KIF5C: variants seen among roughly 807,000 people sequenced by gnomAD.
KIF5C encodes kinesin family member 5C.
In KIF5C, 18 loss-of-function variants were observed where a neutral mutation model predicts 125.2. The ratio of observed to expected loss-of-function variants is 0.14; its 90% CI spans 0.10 to 0.21. KIF5C has a LOEUF of 0.21. Among genes scored for constraint, KIF5C ranks in the 10% least tolerant of loss-of-function variants. KIF5C has a pLI of 1.00. For synonymous variants in KIF5C, 405 were observed against 434.0 expected (o/e 0.93, Z 0.83); for missense variants, 780 against 1,183.8 (o/e 0.66, Z 5.01).
At chr2:148,939,094 T>TAAAA (rs66739683) in intron 4 of KIF5C, among the ~76,000 whole-genome samples, 2 of 131,728 alleles carry the variant, frequency 1.5e-5, no homozygotes, top group Non-Finnish European at 3.3e-5. Context: ...GATTCTGTCT[T>TAAAA]AAAAAAAAAA....
intron 16 of KIF5C, among the ~76,000 whole-genome samples, chr2:148,992,363 A>G (rs1005205201): frequency 1.3e-5 from 2 of 152,222 alleles, no homozygotes; most frequent in Admixed American, 1.3e-4. Context: ...ATGTAAGTAT[A>G]ATTTAGTCCA....
chr2:148,957,423 T>C (rs1200730469), intron 10 of KIF5C, among the ~76,000 whole-genome samples: 1 of 152,124 alleles, frequency 6.6e-6, no homozygotes, highest in African/African-American at 2.4e-5. Context: ...ATCATTAGGC[T>C]CCTTCATTCT....
chr2:148,976,284 T>TA (rs1558927683), intron 12 of KIF5C, among the ~76,000 whole-genome samples: 37 of 148,836 alleles, frequency 2.5e-4, no homozygotes, highest in South Asian at 2.1e-3. Flanking sequence ...TTTATTTATT[T>TA]TTTGAGATGG....
intron 2 of KIF5C, among the ~76,000 whole-genome samples, chr2:148,925,838 G>T (rs1048902895): frequency 6.6e-6 from 1 of 152,212 alleles, no homozygotes; most frequent in Non-Finnish European, 1.5e-5. Flanking sequence ...CTGGTGGCCT[G>T]CCAGTGATGA....
At position 148,932,277 on chromosome 2, in the gene KIF5C, A is replaced by C. The variant is rs182409532; in HGVS notation, c.291+2923A>C. Among the ~76,000 whole-genome samples the C allele has an allele frequency of 5.3e-3, 805 of 152,326 alleles. 13 individuals carry two copies. Among genetic ancestry groups the C allele is most frequent in the Non-Finnish European group, 5.7e-3 (385 of 68,024 alleles). ...CCTGAGTGTCCCTGAGTGGAAAGAG[A>C]GGTCACATTTTAAAGATGTTTTTCA... On this transcript the variant is annotated intron_variant, in intron 3 of 25. Coordinates refer to ENST00000435030, the MANE Select transcript of KIF5C (RefSeq NM_004522.3).
chr2:148,984,260 G>T (rs1681316375), intron 15 of KIF5C, among the ~76,000 whole-genome samples: 1 of 152,138 alleles, frequency 6.6e-6, no homozygotes, highest in Admixed American at 6.5e-5. Flanking sequence ...TGCCACTCAG[G>T]GTGTGATCTG....
chr2:148,942,610 C>T, intron 6 of KIF5C, 63 bp from the exon 7 acceptor site: 1 of 1,551,700 alleles, frequency 6.4e-7, no homozygotes, highest in Non-Finnish European at 8.7e-7. Flanking sequence ...AATGTTTCAG[C>T]CTTTCAAAAT....
At chr2:148,957,460 A>C (rs142546547) in intron 10 of KIF5C, among the ~76,000 whole-genome samples, 1 of 152,256 alleles carries the variant, frequency 6.6e-6, no homozygotes, top group East Asian at 1.9e-4. Context: ...TGATGGTAAA[A>C]AGAAAAAGAA....
intron 17 of KIF5C, among the ~76,000 whole-genome samples, 173 bp downstream of exon 17, chr2:148,994,711 T>C (rs749311413): frequency 1.5e-4 from 23 of 151,880 alleles, no homozygotes; most frequent in Non-Finnish European, 2.9e-4. Context: ...TTCTTTCTTT[T>C]TTTTTTTTTA....
At chr2:148,917,144 T>A (rs896024128) in intron 1 of KIF5C, among the ~76,000 whole-genome samples, 5 of 152,206 alleles carry the variant, frequency 3.3e-5, no homozygotes, top group Admixed American at 3.3e-4. Flanking sequence ...TTTAATTTTT[T>A]ATTTTTTTCC....
rs915897190 is a variant in KIF5C, at chr2:148,981,351, C to T, written c.1363-4C>T. The T allele has an allele frequency of 6.2e-7, 1 of 1,604,736 alleles. No individual in the cohort carries two copies. Among genetic ancestry groups the T allele is most frequent in the African/African-American group, 1.3e-5 (1 of 74,558 alleles). Reference sequence around the variant, plus strand: ...ACAAGTTCCATGCCATCTCATTTCCCCAGCTTTTAGCTTCCACAAGAAGAG... The same window carrying T: ...ACAAGTTCCATGCCATCTCATTTCCTCAGCTTTTAGCTTCCACAAGAAGAG... On this transcript the variant is annotated splice_region_variant and splice_polypyrimidine_tract_variant and intron_variant, in intron 13 of 25. Coordinates refer to ENST00000435030, the MANE Select transcript of KIF5C (RefSeq NM_004522.3).
rs564593202 is a variant in KIF5C, at chr2:149,003,036, C to T, written c.2373+2254C>T. Among the ~76,000 whole-genome samples, 67 of 152,246 alleles carry T rather than the reference C, an allele frequency of 4.4e-4. No homozygotes were observed. In the South Asian group the frequency reaches 7.5e-3, roughly 17 times the overall value. ...CTCACCCTCGCCCAGCCCATGCACG[C>T]GGACAGACACACTGGCTTCGTGGCA... is the stretch of plus-strand genomic sequence containing the variant. On this transcript the variant is annotated intron_variant, in intron 21 of 25. Transcript: ENST00000435030.
intron 23 of KIF5C, among the ~76,000 whole-genome samples, chr2:149,009,030 C>A (rs560570049): frequency 1.8e-4 from 26 of 146,470 alleles, no homozygotes; most frequent in African/African-American, 6.6e-4. Context: ...TGCTCTGTCG[C>A]CCAGGCTGGA....
intron 1 of KIF5C, among the ~76,000 whole-genome samples, chr2:148,898,837 G>A (rs539900691): frequency 2.6e-5 from 4 of 152,272 alleles, no homozygotes; most frequent in South Asian, 2.1e-4. Flanking sequence ...TTATAGCAGC[G>A]AAAGGAAACG....
At position 149,025,050 on chromosome 2, in the gene KIF5C, T is replaced by C. The variant is rs1458678265; in HGVS notation, c.*1980T>C. The stretch of plus-strand genomic sequence containing the variant: ...ACAAAGGTCAGTAATGGTTTTTGGC[T>C]CTTGTTAATATCCATCATAAAATAG... On this transcript the variant is annotated 3_prime_UTR_variant, in exon 26 of 26. Coordinates refer to ENST00000435030, the MANE Select transcript of KIF5C (RefSeq NM_004522.3). 3 of 152,400 alleles carry C rather than the reference T, an allele frequency of 2.0e-5. No individual in the cohort carries two copies. The highest frequency in any genetic ancestry group is 2.9e-5 in the Non-Finnish European group (2 of 68,040). The allele number at this position is 152,400 out of a possible 1,614,324, so 9.4% of individuals were successfully genotyped here.
chr2:148,951,888 T>G (rs1049692777), intron 10 of KIF5C, among the ~76,000 whole-genome samples: 2 of 152,170 alleles, frequency 1.3e-5, no homozygotes, highest in African/African-American at 4.8e-5. Flanking sequence ...TATGGCTTGT[T>G]TAAACTGCAT....
intron 25 of KIF5C, among the ~76,000 whole-genome samples, chr2:149,011,922 C>T (rs539522775): frequency 7.2e-4 from 109 of 152,312 alleles, no homozygotes; most frequent in Admixed American, 6.5e-3. Context: ...CGGCCTAATC[C>T]CCTCCAGGGG....
chr2:148,939,054 C>T (rs190504664), intron 4 of KIF5C, among the ~76,000 whole-genome samples: 54 of 150,852 alleles, frequency 3.6e-4, no homozygotes, highest in African/African-American at 1.3e-3. Flanking sequence ...GAGATCACTC[C>T]ACCACACTCT....
At chr2:148,929,218 C>A in intron 2 of KIF5C, 63 bp from the exon 3 acceptor site, 4 of 972,448 alleles carry the variant, frequency 4.1e-6, no homozygotes, top group South Asian at 3.1e-5. Context: ...TTAAAATATG[C>A]AACCTACACC....
Sources: allele counts gnomAD v4.1 joint callset (sites outside exome capture counted in the v4.1 genomes callset), GRCh38; gene constraint gnomAD v4.1.1; transcripts MANE v1.5; gene names NCBI Gene and HGNC (gene_info 2026-07-23, HGNC 2026-07-21).